Variants in SPMAP1 observed in about 807,000 individuals in gnomAD.
SPMAP1 encodes uncharacterized protein C17orf98.
chr17:38,835,184 T>C, the SPMAP1 span: 1 of 1,613,666 alleles, frequency 6.2e-7, no homozygotes. Context: ...AGGGAAAAGA[T>C]GCTGTTAGAA....
the SPMAP1 span, among the ~76,000 whole-genome samples, chr17:38,838,599 C>A: frequency 1.3e-5 from 2 of 151,726 alleles, no homozygotes; most frequent in African/African-American, 4.8e-5. Context: ...GACTCCACCT[C>A]AAAAATAAAA....
At chr17:38,835,719 A>G in the SPMAP1 span, among the ~76,000 whole-genome samples, 1 of 152,204 alleles carries the variant, frequency 6.6e-6, no homozygotes, top group Admixed American at 6.6e-5. Context: ...ATCAAGATCA[A>G]TTGAGCCAAA....
At chr17:38,837,110 T>A in the SPMAP1 span, 2 of 1,490,396 alleles carry the variant, frequency 1.3e-6, no homozygotes, top group Non-Finnish European at 1.9e-6. Context: ...CCAGGAACCA[T>A]GATGAGGCTA....
chr17:38,837,129 G>A, the SPMAP1 span: 1 of 1,586,228 alleles, frequency 6.3e-7, no homozygotes, highest in Non-Finnish European at 8.7e-7. Flanking sequence ...TAGAAATGGA[G>A]GCAGCACTTG....
the SPMAP1 span, among the ~76,000 whole-genome samples, chr17:38,837,677 TAAAAAAA>T: frequency 9.0e-6 from 1 of 111,412 alleles, no homozygotes; most frequent in Admixed American, 9.4e-5. Context: ...AAACTCCATC[TAAAAAAA>T]AAAAAAAAGA....
At chr17:38,838,882 C>T in the SPMAP1 span, among the ~76,000 whole-genome samples, 12 of 151,348 alleles carry the variant, frequency 7.9e-5, no homozygotes, top group Admixed American at 5.3e-4. Flanking sequence ...GTCAGGAGTT[C>T]GAGACCAGCC....
chr17:38,839,119 A>G, the SPMAP1 span, among the ~76,000 whole-genome samples: 2 of 150,730 alleles, frequency 1.3e-5, no homozygotes, highest in Non-Finnish European at 3.0e-5. Context: ...AAAGAAAGAA[A>G]GCATTTTCAA....
At chr17:38,837,038 G>A in the SPMAP1 span, 2 of 798,148 alleles carry the variant, frequency 2.5e-6, no homozygotes, top group Non-Finnish European at 4.5e-6. Context: ...TCATGTATGT[G>A]AAGAAAAGCT....
the SPMAP1 span, chr17:38,841,111 C>G: frequency 5.3e-6 from 6 of 1,124,022 alleles, no homozygotes; most frequent in Admixed American, 4.6e-5. Context: ...AGTGGCGGAG[C>G]CTTCTTTGTG....
the SPMAP1 span, chr17:38,841,400 G>T: frequency 6.2e-7 from 1 of 1,613,088 alleles, no homozygotes; most frequent in Non-Finnish European, 8.5e-7. Context: ...CCCAACCACC[G>T]TAGCCTCGGA....
the SPMAP1 span, chr17:38,841,126 G>C: frequency 2.9e-6 from 4 of 1,378,398 alleles, no homozygotes; most frequent in Non-Finnish European, 3.0e-6. Flanking sequence ...TTTGTGGTGA[G>C]AACGCTGGAG....
At chr17:38,837,006 G>T in the SPMAP1 span, 4 of 693,224 alleles carry the variant, frequency 5.8e-6, no homozygotes, top group Non-Finnish European at 7.9e-6. Flanking sequence ...CTAATATTAG[G>T]GGGCACTGTG....
the SPMAP1 span, among the ~76,000 whole-genome samples, chr17:38,836,798 G>T: frequency 2.0e-5 from 3 of 151,762 alleles, no homozygotes; most frequent in Non-Finnish European, 4.4e-5. Context: ...GTTCAACCAG[G>T]TTGGCCAGGC....
chr17:38,841,113 T>G, the SPMAP1 span: 2 of 1,194,120 alleles, frequency 1.7e-6, no homozygotes, highest in Non-Finnish European at 2.4e-6. Context: ...TGGCGGAGCC[T>G]TCTTTGTGGT....
At chr17:38,836,585 C>CTTTTTTTTTTTT in the SPMAP1 span, among the ~76,000 whole-genome samples, 4 of 58,426 alleles carry the variant, frequency 6.8e-5, no homozygotes, top group African/African-American at 1.1e-4. Flanking sequence ...TTCTTTCTTT[C>CTTTTTTTTTTTT]TTTTTTTTTT....
chr17:38,835,407 T>G, the SPMAP1 span: 1 of 1,575,298 alleles, frequency 6.3e-7, no homozygotes, highest in Non-Finnish European at 8.7e-7. Flanking sequence ...GCTTCCCCAT[T>G]CCCCTGGGTG....
chr17:38,835,470 G>T, the SPMAP1 span: 3 of 1,016,474 alleles, frequency 3.0e-6, no homozygotes, highest in South Asian at 1.6e-5. Flanking sequence ...TGCTGAACAC[G>T]CAATCCACAA....
At chr17:38,839,779 G>A in the SPMAP1 span, among the ~76,000 whole-genome samples, 3 of 151,802 alleles carry the variant, frequency 2.0e-5, no homozygotes, top group Non-Finnish European at 4.4e-5. Flanking sequence ...CAGCCTGGGC[G>A]ACAGAGCGAG....
chr17:38,838,455 C>T, the SPMAP1 span, among the ~76,000 whole-genome samples: 2 of 151,756 alleles, frequency 1.3e-5, no homozygotes, highest in Middle Eastern at 3.4e-3. Context: ...CAAAAATTAG[C>T]CAGGTGTAGT....
Sources: gnomAD v4.1 joint callset for allele counts (sites outside exome capture counted in the v4.1 genomes callset) on GRCh38, gnomAD v4.1.1 for gene constraint, MANE v1.5 for transcripts, NCBI Gene and HGNC (gene_info 2026-07-23, HGNC 2026-07-21) for gene names.